PGBD2: variants seen among roughly 807,000 people sequenced by gnomAD.
PGBD2 encodes the protein piggyBac transposable element-derived protein 2.
Under a neutral mutation model 8.1 loss-of-function variants are expected in PGBD2, and 6 were observed. The observed-to-expected ratio is 0.74, with a 90% confidence interval of 0.40 to 1.46. The LOEUF is 1.46. PGBD2 is among the 40% of genes most tolerant of loss of function. The probability of loss-of-function intolerance (pLI) is 0.02; values close to 1 mark genes in which losing one functional copy is unlikely to be tolerated. For synonymous variants in PGBD2, 318 were observed against 272.2 expected (o/e 1.17, Z -1.66); for missense variants, 802 against 739.0 (o/e 1.09, Z -0.99).
the PGBD2 span, among the ~76,000 whole-genome samples, chr1:248,892,124 T>G: frequency 6.6e-6 from 1 of 152,240 alleles, no homozygotes; most frequent in Non-Finnish European, 1.5e-5. Context: ...ACTGTAGATT[T>G]GAGATTGCTT....
intron 2 of PGBD2, 67 bp from the exon 3 acceptor site, chr1:248,916,535 C>T (rs1170936700): frequency 6.3e-6 from 9 of 1,418,322 alleles, no homozygotes; most frequent in Non-Finnish European, 8.8e-6. Context: ...GAGCACCCTC[C>T]TCTTTTCTGC....
chr1:248,920,988 T>C (rs1209067151), downstream of PGBD2, among the ~76,000 whole-genome samples: 1 of 122,730 alleles, frequency 8.1e-6, no homozygotes, highest in African/African-American at 4.5e-5. Context: ...TTTTGATGGT[T>C]TTTTTTTTTT....
chr1:248,904,799 T>C (rs1227328193), upstream of PGBD2, among the ~76,000 whole-genome samples: 1 of 152,238 alleles, frequency 6.6e-6, no homozygotes, highest in African/African-American at 2.4e-5. Flanking sequence ...TAAAACTGAA[T>C]TCACAACAGT....
the PGBD2 span, among the ~76,000 whole-genome samples, chr1:248,891,302 A>G: frequency 4.1e-4 from 63 of 152,182 alleles, no homozygotes; most frequent in African/African-American, 9.9e-4. Context: ...TACAAATCCA[A>G]TTTGAGGCCA....
At chr1:248,873,882 C>T in the PGBD2 span, among the ~76,000 whole-genome samples, 93 of 152,340 alleles carry the variant, frequency 6.1e-4, no homozygotes, top group Non-Finnish European at 1.1e-3. Context: ...GTCTAAGGCG[C>T]CAGACTCAAG....
intron 1 of PGBD2, among the ~76,000 whole-genome samples, chr1:248,911,209 A>G (rs979184911): frequency 1.3e-5 from 2 of 151,652 alleles, no homozygotes; most frequent in African/African-American, 4.9e-5. Flanking sequence ...AGGGAAGGTC[A>G]GCAGATAAAC....
At chr1:248,910,077 C>T (rs553242538) in intron 1 of PGBD2, among the ~76,000 whole-genome samples, 1 of 152,328 alleles carries the variant, frequency 6.6e-6, no homozygotes, top group East Asian at 1.9e-4. Flanking sequence ...GGTGAAGCAA[C>T]TGTGACATGG....
chr1:248,889,282 G>A, the PGBD2 span, among the ~76,000 whole-genome samples: 1 of 152,114 alleles, frequency 6.6e-6, no homozygotes, highest in Non-Finnish European at 1.5e-5. Context: ...CTACTCAGGA[G>A]GCTGAGGCAG....
Position 248,917,242 on chromosome 1 carries a change from A to G in PGBD2, c.658A>G (p.Arg220Gly). ...HLVADAIRRD[R>G]FELIFSYLHF... Reference sequence around the variant, plus strand: ...TGTGGCTGATGCAATTAGAAGGGACAGATTTGAACTAATCTTCTCATACTT... The same window carrying G: ...TGTGGCTGATGCAATTAGAAGGGACGGATTTGAACTAATCTTCTCATACTT... The change falls in exon 3 of 3, where the codon AGA (arginine) becomes GGA (glycine). Residue 220 changes from arginine (R) to glycine (G), a missense_variant. By Grantham distance (125) the Arg-to-Gly change is moderately radical (BLOSUM62 -2). Transcript: ENST00000329291. 1 of 1,614,214 alleles carries G rather than the reference A, an allele frequency of 6.2e-7. No homozygotes were observed. The highest frequency in any genetic ancestry group is 8.5e-7 in the Non-Finnish European group (1 of 1,180,048).
At chr1:248,881,758 T>C in the PGBD2 span, among the ~76,000 whole-genome samples, 2 of 152,178 alleles carry the variant, frequency 1.3e-5, no homozygotes, top group African/African-American at 4.8e-5. Flanking sequence ...CCTTGAGGAG[T>C]TCTACAATCT....
At chr1:248,927,757 C>T in the PGBD2 span, among the ~76,000 whole-genome samples, 3 of 152,148 alleles carry the variant, frequency 2.0e-5, no homozygotes, top group Non-Finnish European at 4.4e-5. Flanking sequence ...AGTGAACATA[C>T]ACTGGAATTC....
At chr1:248,927,563 A>G in the PGBD2 span, among the ~76,000 whole-genome samples, 2,668 of 152,306 alleles carry the variant, frequency 0.018, 82 homozygotes, top group African/African-American at 0.061. Flanking sequence ...CCATTATACC[A>G]TGAAAGTAGC....
downstream of PGBD2, among the ~76,000 whole-genome samples, chr1:248,924,046 A>C (rs1475042586): frequency 2.0e-5 from 3 of 152,220 alleles, no homozygotes; most frequent in Admixed American, 1.3e-4. Context: ...AGAAGAGTCC[A>C]CCCAGCTGGG....
chr1:248,929,637 G>T, the PGBD2 span, among the ~76,000 whole-genome samples: 3 of 152,160 alleles, frequency 2.0e-5, no homozygotes, highest in African/African-American at 7.2e-5. Context: ...GAGCACACAC[G>T]CCTGCTTGCT....
chr1:248,875,360 G>C, the PGBD2 span, among the ~76,000 whole-genome samples: 5,827 of 148,836 alleles, frequency 0.039, 382 homozygotes, highest in African/African-American at 0.13. Context: ...GTTGAGATCT[G>C]TAAAACTGTC....
At chr1:248,890,780 T>G in the PGBD2 span, among the ~76,000 whole-genome samples, 7 of 147,084 alleles carry the variant, frequency 4.8e-5, no homozygotes, top group Admixed American at 6.8e-5. Flanking sequence ...ACACCACACA[T>G]CACAGATGCA....
At chr1:248,880,277 A>G in the PGBD2 span, among the ~76,000 whole-genome samples, 2 of 152,200 alleles carry the variant, frequency 1.3e-5, no homozygotes, top group Non-Finnish European at 2.9e-5. Flanking sequence ...ACCAATTTGG[A>G]TACCTGTCAG....
At chr1:248,876,811 C>T in the PGBD2 span, among the ~76,000 whole-genome samples, 106 of 152,294 alleles carry the variant, frequency 7.0e-4, no homozygotes, top group African/African-American at 2.1e-3. Context: ...TTCCACTGGG[C>T]ACATTGGAAA....
the PGBD2 span, among the ~76,000 whole-genome samples, chr1:248,930,147 T>C: frequency 1.2e-4 from 18 of 152,324 alleles, no homozygotes; most frequent in African/African-American, 4.3e-4. Context: ...TCCTTGAGGC[T>C]TCGGCTGCTC....
Sources: allele counts gnomAD v4.1 joint callset (sites outside exome capture counted in the v4.1 genomes callset), GRCh38; gene constraint gnomAD v4.1.1; transcripts MANE v1.5; gene names NCBI Gene and HGNC (gene_info 2026-07-23, HGNC 2026-07-21).